The following MDN1 variants were observed in gnomAD, a reference collection of about 807,000 sequenced individuals.
The protein encoded by MDN1 is midasin AAA ATPase 1.
MDN1 carries 266 observed loss-of-function variants against 669.2 expected under a neutral mutation model. The observed-to-expected ratio is 0.40, with a 90% CI of 0.36 to 0.44. The LOEUF (loss-of-function observed/expected upper bound fraction) is 0.44, where lower values mean the gene tolerates loss of function less well. Ranked by LOEUF, MDN1 falls within the 20% of genes least tolerant of loss-of-function variation. The probability of loss-of-function intolerance (pLI) is 1.00; values close to 1 mark genes in which losing one functional copy is unlikely to be tolerated. For missense variants in MDN1, 5,940 were observed against 6,754.0 expected (o/e 0.88, Z 4.22); for synonymous variants, 2,385 against 2,457.1 (o/e 0.97, Z 0.87).
rs1812283290 is a variant in MDN1 at position 89,690,072 on chromosome 6, T to TA, written c.10820_10821insT (p.Glu3607AspfsTer42). 6.2e-7 allele frequency: 1 copy of TA among 1,614,086 alleles called. No individual in the cohort carries two copies. The highest frequency in any genetic ancestry group is 2.2e-5 in the East Asian group (1 of 44,902). On this transcript the variant is annotated frameshift_variant, in exon 65 of 102. Coordinates refer to ENST00000369393, the MANE Select transcript of MDN1 (RefSeq NM_014611.3). LOFTEE classifies it high-confidence loss of function. ...AGAGGAGAGCTGGGTTTGTGCCTGC[T>TA]TCCTCTTCTTGCCCATCTGAAGTTC...
In MDN1 at chr6:89,696,369, G is replaced by C; in HGVS notation, c.9374C>G (p.Ala3125Gly). The change falls in exon 60 of 102, where the codon GCA (alanine) becomes GGA (glycine). Residue 3125 changes from alanine (A) to glycine (G), a missense_variant. Transcript: ENST00000369393. ...LWTNMAISSV[A>G]EFRRTDSQLQ... ...CAGGGCGAGGGAATACCTGAATTCT[G>C]CTACTGAAGAGATAGCCATGTTAGT... is the stretch of plus-strand genomic sequence containing the variant. The C allele has an allele frequency of 6.2e-7, 1 of 1,614,054 alleles. No individual in the cohort carries two copies. Among genetic ancestry groups the C allele is most frequent in the East Asian group, 2.2e-5 (1 of 44,870 alleles).
intron 46 of MDN1, 105 bp from the exon 47 acceptor site, chr6:89,713,401 C>T (rs1040993093): frequency 2.0e-6 from 2 of 1,001,186 alleles, no homozygotes; most frequent in Admixed American, 2.3e-5. Context: ...GTCAACCCCA[C>T]CCAAATACTT....
chr6:89,680,692 C>T lies in MDN1; in HGVS notation c.12162G>A (p.Leu4054=), dbSNP rs143260725. 2.3e-4 allele frequency: 378 copies of T among 1,614,146 alleles called. No individual in the cohort carries two copies. Among genetic ancestry groups the T allele is most frequent in the Non-Finnish European group, 3.0e-4 (354 of 1,179,994 alleles). The change falls in exon 74 of 102, where the codon CTG becomes CTA. Residue 4054 remains leucine, a synonymous_variant. Coordinates refer to ENST00000369393, the MANE Select transcript of MDN1 (RefSeq NM_014611.3). ...GTTTCCTGAGCTTTGGCAAGCGACG[C>T]AGAAGCTCCCCTTCCAAGCCGGAAG... ...AAPSGLEGEL[L]RRLPKLRKRM...
rs1811034744 is a variant in MDN1 at position 89,674,299 on chromosome 6, A to G, written c.13052T>C (p.Leu4351Pro). ...TGGGTAGCTCAGATTGGAAGGAATT[A>G]GGTCCAGCACTACTCCACAAAGTTG... ...KGQLCGVVLD[L>P]IPSNLSYPSP... Residue 4351 changes from leucine (L) to proline (P), a missense_variant, in exon 79 of 102, where the codon CTA becomes CCA. Physicochemically the swap from Leu to Pro is moderately conservative, Grantham distance 98 (BLOSUM62 -3). Coordinates refer to ENST00000369393, the MANE Select transcript of MDN1 (RefSeq NM_014611.3). The G allele has an allele frequency of 6.2e-7, 1 of 1,614,246 alleles. No individual in the cohort carries two copies. The highest frequency in any genetic ancestry group is 8.5e-7 in the Non-Finnish European group (1 of 1,180,050).
intron 32 of MDN1, among the ~76,000 whole-genome samples, chr6:89,739,502 A>G (rs551772260): frequency 1.3e-5 from 2 of 152,292 alleles, no homozygotes; most frequent in South Asian, 2.1e-4. Flanking sequence ...CAAATTACCA[A>G]CACTCTTAAT....
In MDN1 at chr6:89,694,039, A is replaced by T. The variant is rs373396511; in HGVS notation, c.9881+35T>A. 1.6e-5 allele frequency: 24 copies of T among 1,545,668 alleles called. No homozygotes were observed. The African/African-American group carries it at 3.3e-4, about 21-fold the overall frequency. On this transcript the variant is annotated intron_variant, in intron 62 of 101. Transcript: ENST00000369393. ...ACATTACATCAAAAGGAGAGTCAAT[A>T]ATCCCCAAAACAAATAATCACTCTG... is the stretch of plus-strand genomic sequence containing the variant.
chr6:89,663,502 TAC>T (rs1809955657), intron 85 of MDN1, among the ~76,000 whole-genome samples: 1 of 152,304 alleles, frequency 6.6e-6, no homozygotes, highest in East Asian at 1.9e-4. Context: ...TAGAGTAAGA[TAC>T]AGTTATCTCC....
intron 2 of MDN1, among the ~76,000 whole-genome samples, chr6:89,802,789 CT>C (rs1199886817): frequency 6.6e-6 from 1 of 152,138 alleles, no homozygotes; most frequent in Non-Finnish European, 1.5e-5. Context: ...TTAAAAACCC[CT>C]GACACTCAGT....
chr6:89,673,808 G>A (rs1810994940), intron 79 of MDN1, among the ~76,000 whole-genome samples: 2 of 152,060 alleles, frequency 1.3e-5, no homozygotes, highest in Admixed American at 1.3e-4. Context: ...GGTGTGATAG[G>A]CTTTTATTTT....
rs961076271 is a variant in MDN1 at position 89,761,666 on chromosome 6, G to T, written c.2439C>A (p.Thr813=). 6.2e-7 allele frequency: 1 copy of T among 1,610,252 alleles called. No individual in the cohort carries two copies. Among genetic ancestry groups the T allele is most frequent in the East Asian group, 2.2e-5 (1 of 44,658 alleles). The change falls in exon 17 of 102, where the codon ACC becomes ACA. Residue 813 remains threonine (T), a synonymous_variant. Coordinates refer to ENST00000369393, the MANE Select transcript of MDN1 (RefSeq NM_014611.3). ...AQQQMKMTEN[T]LLFAFVEGTL... is the part of the protein sequence containing the mutation. Reference sequence around the variant, plus strand: ...ATACCTCTACAAATGCGAACAATAAGGTATTTTCAGTCATTTTCATCTGTT... The same window carrying T: ...ATACCTCTACAAATGCGAACAATAATGTATTTTCAGTCATTTTCATCTGTT...
chr6:89,647,911 C>T, intron 99 of MDN1, 121 bp downstream of exon 99: 1 of 744,176 alleles, frequency 1.3e-6, no homozygotes, highest in South Asian at 1.7e-5. Context: ...TATGATGGCG[C>T]CATTGTACTC....
intron 85 of MDN1, among the ~76,000 whole-genome samples, 191 bp from the exon 86 acceptor site, chr6:89,663,158 G>T (rs1342275013): frequency 6.6e-6 from 1 of 152,164 alleles, no homozygotes; most frequent in East Asian, 1.9e-4. Flanking sequence ...GCAAAGTAGA[G>T]GTACAAGGAA....
chr6:89,688,274 T>C, intron 66 of MDN1, 101 bp from the exon 67 acceptor site: 1 of 1,120,442 alleles, frequency 8.9e-7, no homozygotes, highest in Non-Finnish European at 1.3e-6. Context: ...CCCAGTTCTC[T>C]ACTTTTAAAA....
rs141496860 is a variant in MDN1, at chr6:89,693,120, C to T, written c.9910G>A (p.Asp3304Asn). Residue 3304 changes from aspartate to asparagine, a missense_variant, in exon 63 of 102, where the codon GAT becomes AAT. Asp to Asn is a conservative substitution (Grantham distance 23). This residue lies in a region of MDN1 where 150 missense variants were observed against 234.2 expected (regional missense o/e 0.64). Coordinates refer to ENST00000369393, the MANE Select transcript of MDN1 (RefSeq NM_014611.3). ...RLLRQRMDRL[D>N]NLTCHLLKKQ... ...TTCAACAGGTGACAGGTTAAATTAT[C>T]CAGCCGATCCATCCTTTGGCGAAGC... 323 of 1,594,134 alleles carry T rather than the reference C, an allele frequency of 2.0e-4. No homozygotes were observed. Among genetic ancestry groups the T allele is most frequent in the Non-Finnish European group, 2.5e-4 (293 of 1,172,654 alleles).
Position 89,803,476 on chromosome 6 carries a change from C to T in MDN1, c.181G>A (p.Val61Ile), listed in dbSNP as rs1562236570. The change falls in exon 2 of 102, where the codon GTT (valine) becomes ATT (isoleucine). Residue 61 changes from valine (V) to isoleucine (I), a missense_variant. Coordinates refer to ENST00000369393, the MANE Select transcript of MDN1 (RefSeq NM_014611.3). ...LLLDKDCTVL[V>I]GRQLRPLLLD... ...AGGAGAGGGCGAAGCTGGCGACCAACCAGCACAGTACAGTCCTTATCCAAA... is the reference window on the plus strand; with the variant it reads ...AGGAGAGGGCGAAGCTGGCGACCAATCAGCACAGTACAGTCCTTATCCAAA... The T allele has an allele frequency of 1.2e-6, 2 of 1,614,162 alleles. No homozygotes were observed. Among genetic ancestry groups the T allele is most frequent in the Non-Finnish European group, 1.7e-6 (2 of 1,180,040 alleles).
chr6:89,679,282 C>T (rs566286175), intron 74 of MDN1, among the ~76,000 whole-genome samples: 2 of 152,146 alleles, frequency 1.3e-5, no homozygotes, highest in African/African-American at 2.4e-5. Context: ...ATGTGGTGAA[C>T]GAGTAGATGA....
intron 1 of MDN1, among the ~76,000 whole-genome samples, chr6:89,811,396 A>G (rs751922520): frequency 7.9e-5 from 12 of 152,074 alleles, no homozygotes; most frequent in Non-Finnish European, 1.8e-4. Context: ...TTGCTATTGT[A>G]GGAAATAAAA....
chr6:89,688,977 C>T (rs775320162), intron 65 of MDN1, among the ~76,000 whole-genome samples, 169 bp from the exon 66 acceptor site: 1 of 152,160 alleles, frequency 6.6e-6, no homozygotes, highest in Non-Finnish European at 1.5e-5. Flanking sequence ...TGAGACCATC[C>T]TGGCCAACAT....
At chr6:89,811,531 C>T (rs1300676785) in intron 1 of MDN1, among the ~76,000 whole-genome samples, 1 of 151,892 alleles carries the variant, frequency 6.6e-6, no homozygotes, top group Non-Finnish European at 1.5e-5. Context: ...CCGCGTCCCT[C>T]TCGGGTTCAG....
Sources: allele counts gnomAD v4.1 joint callset (sites outside exome capture counted in the v4.1 genomes callset), GRCh38; gene constraint gnomAD v4.1.1; regional missense constraint gnomAD v4.1.1; transcripts MANE v1.5; gene names NCBI Gene and HGNC (gene_info 2026-07-23, HGNC 2026-07-21).